Variants in MTRR observed in about 807,000 individuals in gnomAD.
MTRR encodes methionine synthase reductase.
In MTRR, 63 loss-of-function variants were observed where a neutral mutation model predicts 79.2. That is an observed-to-expected ratio of 0.80 (90% CI 0.65 to 0.98). The LOEUF (loss-of-function observed/expected upper bound fraction) is 0.98, where lower values mean the gene tolerates loss of function less well. Among genes scored for constraint, MTRR ranks in the 50% least tolerant of loss-of-function variants. The probability of loss-of-function intolerance (pLI) is 0.00; values close to 1 mark genes in which losing one functional copy is unlikely to be tolerated. For missense variants in MTRR, 895 were observed against 839.6 expected, an observed-to-expected ratio of 1.07 and a Z score of -0.82; for synonymous variants, 355 against 313.3, an observed-to-expected ratio of 1.13 and a Z score of -1.41.
chr5:7,869,562 G>T (rs1331842131), intron 1 of MTRR: 2 of 288,806 alleles, frequency 6.9e-6, no homozygotes, highest in Non-Finnish European at 1.3e-5. Flanking sequence ...AACATGCCGG[G>T]TTGGGGCGGC....
At chr5:7,891,096 T>C (rs1391591586) in intron 9 of MTRR, among the ~76,000 whole-genome samples, 2 of 152,172 alleles carry the variant, frequency 1.3e-5, no homozygotes, top group Non-Finnish European at 1.5e-5. Flanking sequence ...GACCCATTCC[T>C]AGAAGCCTTT....
At chr5:7,877,891 C>T (rs939311974) in intron 4 of MTRR, 53 bp from the exon 5 acceptor site, 3 of 1,602,256 alleles carry the variant, frequency 1.9e-6, no homozygotes, top group African/African-American at 2.7e-5. Flanking sequence ...GTTCTGTGTT[C>T]AGATGGAGAA....
In MTRR at chr5:7,861,547, G is replaced by A. The variant is rs377263941; in HGVS notation, n.392-404G>A. 3.9e-5 allele frequency: 57 copies of A among 1,463,466 alleles called. No individual in the cohort carries two copies. The African/African-American group carries it at 7.7e-4, about 20-fold the overall frequency. 90.7% of individuals were successfully genotyped at this position (1,463,466 alleles called of 1,614,324 possible). On this transcript the variant is annotated intron_variant and non_coding_transcript_variant, in intron 1 of 3. Coordinates refer to the MTRR transcript ENST00000502509. ...TACCGCTGCTTATTAGCCTCAACGA[G>A]TCTTGTAATGTGAAAAACACAACAT... is the stretch of plus-strand genomic sequence containing the variant.
At chr5:7,895,144 A>C (rs1738285230) in intron 11 of MTRR, among the ~76,000 whole-genome samples, 1 of 152,226 alleles carries the variant, frequency 6.6e-6, no homozygotes. Context: ...TGGAAGTGAA[A>C]CATACTCAGA....
rs375729309 is a variant in MTRR at position 7,898,456 on chromosome 5, A to C, written c.1952+1209A>C. 3.3e-5 allele frequency among the ~76,000 whole-genome samples: 5 copies of C among 152,258 alleles called. No individual in the cohort carries two copies. In the East Asian group the frequency reaches 5.8e-4, roughly 18 times the overall value. ...TTACTTTGTCACATTTGTGAAATGC[A>C]CTTGGAAGCATTAATAGCAGTGGTC... On this transcript the variant is annotated intron_variant, in intron 14 of 14. Transcript: ENST00000440940.
chr5:7,869,123 G>C (rs542841318), upstream of MTRR: 2 of 1,613,472 alleles, frequency 1.2e-6, no homozygotes, highest in African/African-American at 2.7e-5. Flanking sequence ...TATTGGTCCT[G>C]GGTACCGAGC....
intron 5 of MTRR, among the ~76,000 whole-genome samples, chr5:7,879,337 A>G (rs1419819903): frequency 1.3e-5 from 2 of 152,010 alleles, no homozygotes; most frequent in African/African-American, 2.4e-5. Context: ...TAATCTGACT[A>G]GGAGTTTTAA....
intron 11 of MTRR, 100 bp from the exon 12 acceptor site, chr5:7,895,634 G>C: frequency 6.8e-7 from 1 of 1,466,722 alleles, no homozygotes; most frequent in Non-Finnish European, 9.5e-7. Context: ...TTCTTTGATG[G>C]GAATTTTCCC....
chr5:7,861,688 T>C, intron 1 of MTRR: 8 of 1,592,886 alleles, frequency 5.0e-6, no homozygotes, highest in Non-Finnish European at 6.0e-6. Flanking sequence ...CCTCGTGTGA[T>C]ACCCTCACAA....
chr5:7,868,104 A>G, upstream of MTRR: 1 of 1,525,748 alleles, frequency 6.6e-7, no homozygotes. Context: ...TCTCAATTTG[A>G]TAACTAAATT....
intron 14 of MTRR, among the ~76,000 whole-genome samples, chr5:7,898,622 CT>C (rs1303558354): frequency 6.6e-5 from 10 of 152,054 alleles, no homozygotes; most frequent in Admixed American, 6.5e-4. Flanking sequence ...GAGAGGGAGC[CT>C]GTACTGCTGA....
chr5:7,899,994 A>G lies in MTRR; in HGVS notation c.2033A>G (p.Glu678Gly), dbSNP rs1368681639. 6.2e-7 allele frequency: 1 copy of G among 1,614,158 alleles called. No homozygotes were observed. Among genetic ancestry groups the G allele is most frequent in the South Asian group, 1.1e-5 (1 of 91,086 alleles). ...ISKEVGVEKL[E>G]AMKTLATLKE... The stretch of plus-strand genomic sequence containing the variant: ...AAAGAGGTTGGAGTTGAAAAACTAG[A>G]AGCAATGAAAACCCTGGCCACTTTA... Residue 678 changes from glutamate to glycine, a missense_variant, in exon 15 of 15, where the codon GAA (glutamate) becomes GGA (glycine). By Grantham distance (98) the Glu-to-Gly change is moderately conservative. Coordinates refer to ENST00000440940, the MANE Select transcript of MTRR (RefSeq NM_002454.3).
Position 7,870,807 on chromosome 5 carries a change from C to G in MTRR, c.13C>G (p.Leu5Val), listed in dbSNP as rs763313419. 6.2e-7 allele frequency: 1 copy of G among 1,614,152 alleles called. No homozygotes were observed. Among genetic ancestry groups the G allele is most frequent in the South Asian group, 1.1e-5 (1 of 91,084 alleles). Residue 5 changes from leucine (L) to valine (V), a missense_variant, in exon 2 of 15, where the codon CTG (leucine) becomes GTG (valine). Physicochemically the swap from Leu to Val is conservative, Grantham distance 32. Coordinates refer to ENST00000440940, the MANE Select transcript of MTRR (RefSeq NM_002454.3). ...ATGCCTTGAAGTGATGAGGAGGTTT[C>G]TGTTACTATATGCTACACAGCAGGG... Reference protein sequence around the residue: MRRFLLLYATQQGQA... With the variant: MRRFVLLYATQQGQA...
exon 1 of MTRR, chr5:7,851,307 A>G: frequency 3.0e-6 from 1 of 336,814 alleles, no homozygotes; most frequent in Non-Finnish European, 5.3e-6. Context: ...CGCGGGGACT[A>G]CCCATTTCCA....
chr5:7,867,144 G>A (rs1255665722), upstream of MTRR: 1 of 1,614,174 alleles, frequency 6.2e-7, no homozygotes, highest in South Asian at 1.1e-5. Flanking sequence ...TTTATAATCA[G>A]AGGAAATGCT....
chr5:7,895,711 C>G (rs767742892), intron 11 of MTRR, 23 bp from the exon 12 acceptor site: 1 of 1,613,540 alleles, frequency 6.2e-7, no homozygotes, highest in Non-Finnish European at 8.5e-7. Context: ...TTCATACTTA[C>G]CACATTTGAT....
intron 1 of MTRR, among the ~76,000 whole-genome samples, chr5:7,852,292 G>C (rs1432906707): frequency 2.6e-5 from 4 of 152,170 alleles, no homozygotes; most frequent in Non-Finnish European, 4.4e-5. Flanking sequence ...GAGGCACCTG[G>C]TGATCCACTC....
At chr5:7,872,646 A>G (rs1306094851) in intron 2 of MTRR, among the ~76,000 whole-genome samples, 1 of 152,196 alleles carries the variant, frequency 6.6e-6, no homozygotes, top group East Asian at 1.9e-4. Flanking sequence ...TTAGTGTCAC[A>G]TGCAGTACAC....
At chr5:7,861,721 C>CCTTTG in intron 1 of MTRR, 1 of 1,552,390 alleles carries the variant, frequency 6.4e-7, no homozygotes, top group Non-Finnish European at 8.7e-7. Flanking sequence ...TGTATTCATT[C>CCTTTG]CTTTGCTTTG....
Sources: gnomAD v4.1 joint callset for allele counts (sites outside exome capture counted in the v4.1 genomes callset) on GRCh38, gnomAD v4.1.1 for gene constraint, MANE v1.5 for transcripts, NCBI Gene and HGNC (gene_info 2026-07-23, HGNC 2026-07-21) for gene names.